Variants in ZNF335 observed in about 807,000 individuals in gnomAD.
The protein encoded by ZNF335 is NRC-interacting factor 1.
A neutral mutation model predicts 145.6 loss-of-function variants in ZNF335; 84 were observed. The observed-to-expected ratio is 0.58, with a 90% CI of 0.48 to 0.69. The LOEUF is 0.69. Among genes scored for constraint, ZNF335 ranks in the 30% least tolerant of loss-of-function variants. ZNF335 has a pLI of 0.00. For synonymous variants in ZNF335, 761 were observed against 717.0 expected (o/e 1.06, Z -0.98); for missense variants, 1,865 against 1,809.7 (o/e 1.03, Z -0.55).
In ZNF335 at chr20:45,967,888, G is replaced by C. The variant is rs1331613960; in HGVS notation, c.660C>G (p.Pro220=). 4 of 1,612,690 alleles carry C rather than the reference G, an allele frequency of 2.5e-6. No homozygotes were observed. In the South Asian group the frequency reaches 4.4e-5, roughly 18 times the overall value. ...QGGPSSPVQL[P]PASGAEEPDL... Reference sequence around the variant, plus strand: ...CCGGCTCTTCGGCACCGGAGGCTGGGGGCAGCTGCACCGGGGAGCTGGGCC... The same window carrying C: ...CCGGCTCTTCGGCACCGGAGGCTGGCGGCAGCTGCACCGGGGAGCTGGGCC... Residue 220 remains proline, a synonymous_variant, in exon 5 of 28, where the codon CCC becomes CCG. Coordinates refer to ENST00000322927, the MANE Select transcript of ZNF335 (RefSeq NM_022095.4).
At chr20:45,971,972 C>G in intron 1 of ZNF335, 150 bp downstream of exon 1, 1 of 1,156,520 alleles carries the variant, frequency 8.6e-7, no homozygotes, top group Non-Finnish European at 1.1e-6. Context: ...TCCGCTCAGG[C>G]AAGTGCGAGA....
rs1388526773 is a variant in ZNF335, at chr20:45,963,889, C to T, written c.1204G>A (p.Ala402Thr). 1 of 1,602,350 alleles carries T rather than the reference C, an allele frequency of 6.2e-7. No homozygotes were observed. Among genetic ancestry groups the T allele is most frequent in the Non-Finnish European group, 8.5e-7 (1 of 1,172,944 alleles). The change falls in exon 8 of 28, where the codon GCC becomes ACC. Residue 402 changes from alanine to threonine, a missense_variant. By Grantham distance (58) the Ala-to-Thr change is moderately conservative (BLOSUM62 0). Coordinates refer to ENST00000322927, the MANE Select transcript of ZNF335 (RefSeq NM_022095.4). The part of the protein sequence containing the change: ...PSSSGPGHLV[A>T]MGKVSRTPVE... ...GGGGTCCTGCTCACCTTGCCCATGG[C>T]CACCAGGTGTCCTGGGCCTGAGGAG...
rs1231738103 is a variant in ZNF335, at chr20:45,954,091, A to C, written c.2443-143T>G. 3 of 1,056,176 alleles carry C rather than the reference A, an allele frequency of 2.8e-6. No individual in the cohort carries two copies. In the African/African-American group the frequency reaches 4.8e-5, roughly 17 times the overall value. The allele number at this position is 1,056,176 out of a possible 1,614,324, so 65.4% of individuals were successfully genotyped here. On this transcript the variant is annotated intron_variant, in intron 17 of 27. Transcript: ENST00000322927. Reference sequence around the variant, plus strand: ...TGCCACCACTCATTTGAATAGCCCAAGTTCTTTCTAAAATATACTCTGGCT... The same window carrying C: ...TGCCACCACTCATTTGAATAGCCCACGTTCTTTCTAAAATATACTCTGGCT...
intron 17 of ZNF335, among the ~76,000 whole-genome samples, chr20:45,954,390 C>A (rs1454693453): frequency 6.6e-6 from 1 of 152,104 alleles, no homozygotes; most frequent in Non-Finnish European, 1.5e-5. Context: ...GAAAAAAGCT[C>A]CAGTGTACAT....
At chr20:45,968,422 C>T in intron 3 of ZNF335, 60 bp from the exon 4 acceptor site, 5 of 1,481,028 alleles carry the variant, frequency 3.4e-6, no homozygotes, top group Admixed American at 1.7e-5. Context: ...AACAGGCCCA[C>T]CCCCATGGGC....
At position 45,959,390 on chromosome 20, in the gene ZNF335, C is replaced by T. The variant is rs531983486; in HGVS notation, c.2064G>A (p.Arg688=). The change falls in exon 15 of 28, where the codon CGG becomes CGA. Residue 688 remains arginine (R), a synonymous_variant. Coordinates refer to ENST00000322927, the MANE Select transcript of ZNF335 (RefSeq NM_022095.4). ...CGTGCAGGCGCAGGTTCTTCTTGTGCCGTGTGCTGAAGTGGCAGTACTCAC... is the reference window on the plus strand; with the variant it reads ...CGTGCAGGCGCAGGTTCTTCTTGTGTCGTGTGCTGAAGTGGCAGTACTCAC... The part of the protein sequence containing the change: ...FACEYCHFST[R]HKKNLRLHVR... 2 of 1,541,124 alleles carry T rather than the reference C, an allele frequency of 1.3e-6. No individual in the cohort carries two copies. The highest frequency in any genetic ancestry group is 1.9e-5 in the Admixed American group (1 of 53,390).
chr20:45,960,353 G>T lies in ZNF335; in HGVS notation c.1875C>A (p.Phe625Leu). Residue 625 changes from phenylalanine (F) to leucine (L), a missense_variant, in exon 14 of 28, where the codon TTC becomes TTA. Transcript: ENST00000322927. The stretch of plus-strand genomic sequence containing the variant: ...TCTTGTCTTCACAAACAAACTCACA[G>T]AACTCACACTTGAACCTGGAGGCGG... ...AVANRRFKCE[F>L]CEFVCEDKKA... The T allele has an allele frequency of 1.2e-6, 2 of 1,614,220 alleles. No individual in the cohort carries two copies. Among genetic ancestry groups the T allele is most frequent in the Non-Finnish European group, 8.5e-7 (1 of 1,180,038 alleles).
chr20:45,948,683 T>G lies in ZNF335; in HGVS notation c.*270A>C. 2.2e-6 allele frequency: 1 copy of G among 461,472 alleles called. No individual in the cohort carries two copies. Among genetic ancestry groups the G allele is most frequent in the Non-Finnish European group, 4.0e-6 (1 of 249,040 alleles). The allele number at this position is 461,472 out of a possible 1,614,324, so 28.6% of individuals were successfully genotyped here. On this transcript the variant is annotated 3_prime_UTR_variant, in exon 28 of 28. Coordinates refer to ENST00000322927, the MANE Select transcript of ZNF335 (RefSeq NM_022095.4). ...TGTTCAGGACTGGACTCCGGTCCCT[T>G]TATTGAGACTGACAGGCCAGTGGGT...
rs1469873076 is a variant in ZNF335, at chr20:45,960,700, C to T, written c.1698G>A (p.Val566=). The change falls in exon 12 of 28, where the codon GTG becomes GTA. Residue 566 remains valine (V), a synonymous_variant. Transcript: ENST00000322927. ...TCTGCATGGGGTACACACGGCCACA[C>T]ACAGGGCAGGGGAAAGAGCTCAGCT... The part of the protein sequence containing the change: ...TPKLSSFPCP[V]CGRVYPMQKR... 1 of 1,614,012 alleles carries T rather than the reference C, an allele frequency of 6.2e-7. No homozygotes were observed. Among genetic ancestry groups the T allele is most frequent in the Non-Finnish European group, 8.5e-7 (1 of 1,180,028 alleles).
At chr20:45,959,510 A>T (rs752891437) in intron 14 of ZNF335, 77 bp from the exon 15 acceptor site, 4 of 1,131,042 alleles carry the variant, frequency 3.5e-6, no homozygotes, top group Non-Finnish European at 4.7e-6. Flanking sequence ...TCTTGACCCT[A>T]AGGATCTCTC....
intron 9 of ZNF335, 50 bp from the exon 10 acceptor site, chr20:45,962,232 A>T (rs779152074): frequency 4.8e-6 from 7 of 1,444,148 alleles, no homozygotes; most frequent in Non-Finnish European, 6.8e-6. Flanking sequence ...CTCCTCTCCC[A>T]TCCCCGTCCC....
chr20:45,954,682 C>G (rs1199413457), intron 17 of ZNF335, among the ~76,000 whole-genome samples: 1 of 151,270 alleles, frequency 6.6e-6, no homozygotes, highest in Non-Finnish European at 1.5e-5. Context: ...AAAACAAATA[C>G]AGGACACAAA....
intron 10 of ZNF335, 58 bp downstream of exon 10, chr20:45,962,012 C>T: frequency 7.6e-7 from 1 of 1,318,762 alleles, no homozygotes; most frequent in Non-Finnish European, 1.1e-6. Flanking sequence ...TCCCGGGCCT[C>T]CACTTCCCCA....
Position 45,950,535 on chromosome 20 carries a change from A to T in ZNF335, c.3250T>A (p.Ser1084Thr). 6.2e-7 allele frequency: 1 copy of T among 1,614,156 alleles called. No individual in the cohort carries two copies. Among genetic ancestry groups the T allele is most frequent in the South Asian group, 1.1e-5 (1 of 91,084 alleles). Residue 1084 changes from serine to threonine, a missense_variant, in exon 21 of 28, where the codon TCC becomes ACC. By Grantham distance (58) the Ser-to-Thr change is moderately conservative (BLOSUM62 1). Transcript: ENST00000322927. ...PHQCSQCSFA[S>T]KNKKDLRRHM... is the part of the protein sequence containing the mutation. ...CGACGCAGGTCCTTCTTGTTCTTGG[A>T]GGCAAAGCTGCACTGGCTACACTGG...
intron 11 of ZNF335, 29 bp from the exon 12 acceptor site, chr20:45,960,761 GAGAA>G: frequency 6.2e-7 from 1 of 1,612,658 alleles, no homozygotes; most frequent in Non-Finnish European, 8.5e-7. Context: ...GGGCCAGATG[GAGAA>G]AGAAGTGGAG....
chr20:45,950,186 G>A, intron 22 of ZNF335, 33 bp downstream of exon 22: 4 of 1,562,446 alleles, frequency 2.6e-6, no homozygotes, highest in South Asian at 1.2e-5. Context: ...GATCTACCCT[G>A]TTGCCCACCC....
chr20:45,950,191 C>T, intron 22 of ZNF335, 28 bp downstream of exon 22: 2 of 1,558,370 alleles, frequency 1.3e-6, no homozygotes, highest in East Asian at 2.3e-5. Context: ...ACCCTGTTGC[C>T]CACCCTGTGG....
chr20:45,949,636 G>A, intron 24 of ZNF335, 68 bp from the exon 25 acceptor site: 1 of 1,513,338 alleles, frequency 6.6e-7, no homozygotes, highest in Non-Finnish European at 9.0e-7. Context: ...GCTTAGCTAA[G>A]AAGGCAGAGT....
Position 45,957,637 on chromosome 20 carries a change from A to G in ZNF335, c.2391T>C (p.Asp797=), listed in dbSNP as rs575075240. 1.4e-5 allele frequency: 22 copies of G among 1,614,176 alleles called. No individual in the cohort carries two copies. The highest frequency in any genetic ancestry group is 1.8e-5 in the Non-Finnish European group (21 of 1,180,038). The change falls in exon 17 of 28, where the codon GAT becomes GAC. Residue 797 remains aspartate (D), a synonymous_variant. Coordinates refer to ENST00000322927, the MANE Select transcript of ZNF335 (RefSeq NM_022095.4). Reference sequence around the variant, plus strand: ...GCTGAGCACTCATGTTCAGCAGAAGATCCAAGGCTGTCTGCGTGGCCATCG... The same window carrying G: ...GCTGAGCACTCATGTTCAGCAGAAGGTCCAAGGCTGTCTGCGTGGCCATCG... ...STAMATQTAL[D]LLLNMSAQRE...
Sources: gnomAD v4.1 joint callset for allele counts (sites outside exome capture counted in the v4.1 genomes callset) on GRCh38, gnomAD v4.1.1 for gene constraint, MANE v1.5 for transcripts, NCBI Gene and HGNC (gene_info 2026-07-23, HGNC 2026-07-21) for gene names.